DAG1: variants seen among roughly 807,000 people sequenced by gnomAD.
DAG1 encodes the protein dystroglycan 1.
DAG1 carries 8 observed loss-of-function variants against 46.1 expected under a neutral mutation model. That is an observed-to-expected ratio of 0.17 (90% CI 0.10 to 0.31). The LOEUF (loss-of-function observed/expected upper bound fraction) is 0.31, where lower values mean the gene tolerates loss of function less well. Among genes scored for constraint, DAG1 ranks in the 10% least tolerant of loss-of-function variants. DAG1 has a pLI of 1.00. For missense variants in DAG1, 1,003 were observed against 1,189.9 expected (o/e 0.84, Z 2.31); for synonymous variants, 495 against 481.8 (o/e 1.03, Z -0.36).
intron 1 of DAG1, among the ~76,000 whole-genome samples, chr3:49,485,077 C>T (rs1474989407): frequency 6.6e-6 from 1 of 150,778 alleles, no homozygotes; most frequent in Non-Finnish European, 1.5e-5. Context: ...AGCTCCGCCT[C>T]CCGGGTTCAT....
intron 1 of DAG1, among the ~76,000 whole-genome samples, chr3:49,495,671 C>T (rs2050291947): frequency 6.6e-6 from 1 of 152,100 alleles, no homozygotes; most frequent in Non-Finnish European, 1.5e-5. Context: ...CCTGTAATCC[C>T]AGCACTTTGG....
chr3:49,502,798 C>A (rs1169516533), intron 1 of DAG1, among the ~76,000 whole-genome samples: 4 of 152,026 alleles, frequency 2.6e-5, no homozygotes, highest in Non-Finnish European at 5.9e-5. Flanking sequence ...GCCACCACAC[C>A]TGGCTAATTT....
intron 1 of DAG1, among the ~76,000 whole-genome samples, chr3:49,502,563 C>T (rs879457175): frequency 2.6e-5 from 4 of 151,988 alleles, no homozygotes; most frequent in Non-Finnish European, 5.9e-5. Flanking sequence ...AATGTTTTAC[C>T]TATTACTTAT....
chr3:49,483,372 T>C (rs2107125670), intron 1 of DAG1, among the ~76,000 whole-genome samples: 1 of 151,928 alleles, frequency 6.6e-6, no homozygotes, highest in South Asian at 2.1e-4. Context: ...ACCTGGCTAA[T>C]TTTTGTATTT....
In DAG1 at chr3:49,480,588, C is replaced by T. The variant is rs189427406; in HGVS notation, c.-117+10155C>T. Among the ~76,000 whole-genome samples, 422 of 145,234 alleles carry T rather than the reference C, an allele frequency of 2.9e-3. 13 individuals carry two copies. Among genetic ancestry groups the T allele is most frequent in the African/African-American group, 9.5e-3 (391 of 41,124 alleles). ...GATTACAGGCGTGAGCCACTGCGTC[C>T]GGCGCATATAACATTTCTAATGGTT... On this transcript the variant is annotated intron_variant, in intron 1 of 2. Transcript: ENST00000308775.
At chr3:49,478,925 TGCCTCA>T (rs1373845319) in intron 1 of DAG1, among the ~76,000 whole-genome samples, 2 of 148,450 alleles carry the variant, frequency 1.3e-5, no homozygotes, top group African/African-American at 5.0e-5. Context: ...GCGATTCTCC[TGCCTCA>T]GCCTCTTGAG....
intron 2 of DAG1, among the ~76,000 whole-genome samples, chr3:49,511,192 A>AG (rs1309488643): frequency 6.6e-6 from 1 of 152,228 alleles, no homozygotes; most frequent in Non-Finnish European, 1.5e-5. Context: ...ACTTTTTAAA[A>AG]TAAGATATAA....
Position 49,533,365 on chromosome 3 carries a change from C to A in DAG1, c.*166C>A. On this transcript the variant is annotated 3_prime_UTR_variant, in exon 3 of 3. Coordinates refer to ENST00000308775, the MANE Select transcript of DAG1 (RefSeq NM_004393.6). The stretch of plus-strand genomic sequence containing the variant: ...ACAAGCCCGCCCTCTCTGGTCCTCC[C>A]AAACCCCAAAGCAGCTGGAGAGACT... 9.8e-7 allele frequency: 1 copy of A among 1,024,398 alleles called. No individual in the cohort carries two copies. Among genetic ancestry groups the A allele is most frequent in the Non-Finnish European group, 1.5e-6 (1 of 679,620 alleles). 63.5% of individuals were successfully genotyped at this position (1,024,398 alleles called of 1,614,324 possible). A position where few individuals can be genotyped will look rare whatever the true frequency, so the allele number is the denominator to read the frequency against.
chr3:49,480,096 C>T (rs1291931807), intron 1 of DAG1, among the ~76,000 whole-genome samples: 8 of 143,312 alleles, frequency 5.6e-5, no homozygotes, highest in Middle Eastern at 4.0e-3. Flanking sequence ...ATTACAGGTG[C>T]GCACCACCAC....
chr3:49,479,450 C>T (rs1274074700), intron 1 of DAG1, among the ~76,000 whole-genome samples: 1 of 150,274 alleles, frequency 6.7e-6, no homozygotes, highest in African/African-American at 2.5e-5. Flanking sequence ...GCTGAGACGA[C>T]AAGTGCGTGC....
At chr3:49,515,443 G>A (rs2050874469) in intron 2 of DAG1, among the ~76,000 whole-genome samples, 1 of 146,644 alleles carries the variant, frequency 6.8e-6, no homozygotes, top group Non-Finnish European at 1.5e-5. Context: ...CTGGAGTGCA[G>A]TGGCACTATC....
intron 1 of DAG1, among the ~76,000 whole-genome samples, chr3:49,506,214 G>A (rs1182708379): frequency 1.3e-5 from 2 of 152,156 alleles, no homozygotes; most frequent in Non-Finnish European, 2.9e-5. Flanking sequence ...CCTGACCCAG[G>A]TGATTCACCG....
At chr3:49,504,642 A>G (rs1479745320) in intron 1 of DAG1, among the ~76,000 whole-genome samples, 1 of 119,100 alleles carries the variant, frequency 8.4e-6, no homozygotes, top group African/African-American at 3.3e-5. Flanking sequence ...GCTGGAGTGC[A>G]GTGGCACGAT....
At chr3:49,489,634 A>G (rs1014804901) in intron 1 of DAG1, among the ~76,000 whole-genome samples, 1 of 152,200 alleles carries the variant, frequency 6.6e-6, no homozygotes, top group Admixed American at 6.5e-5. Flanking sequence ...TAATCTTAAG[A>G]AAACATAGCT....
intron 1 of DAG1, among the ~76,000 whole-genome samples, chr3:49,503,832 A>AG (rs2050523284): frequency 6.6e-6 from 1 of 151,958 alleles, no homozygotes; most frequent in Admixed American, 6.6e-5. Context: ...TGTCTCAAAA[A>AG]AAAAAAAAGA....
chr3:49,515,388 G>GTTT (rs71627397), intron 2 of DAG1, among the ~76,000 whole-genome samples: 7 of 130,214 alleles, frequency 5.4e-5, no homozygotes, highest in Admixed American at 7.9e-5. Flanking sequence ...TTCTTGTGTT[G>GTTT]TTTTTTTTTT....
At chr3:49,506,869 C>T (rs186464268) in intron 1 of DAG1, among the ~76,000 whole-genome samples, 2 of 150,912 alleles carry the variant, frequency 1.3e-5, no homozygotes, top group South Asian at 2.1e-4. Flanking sequence ...CCTAGCTACT[C>T]AGGAGGCTGA....
intron 1 of DAG1, 162 bp from the exon 2 acceptor site, chr3:49,510,257 A>G (rs994123330): frequency 8.8e-6 from 5 of 565,744 alleles, no homozygotes; most frequent in African/African-American, 7.5e-5. Flanking sequence ...TTCCAGTGCT[A>G]AGGAGTTGCA....
At chr3:49,528,275 ATTTTTTTTTTTTT>A (rs147292984) in intron 2 of DAG1, among the ~76,000 whole-genome samples, 1 of 66,630 alleles carries the variant, frequency 1.5e-5, no homozygotes, top group African/African-American at 6.9e-5. Flanking sequence ...AAATAGTGTG[ATTTTTTTTTTTTT>A]TTTTTTTTTT....
Sources: allele counts gnomAD v4.1 joint callset (sites outside exome capture counted in the v4.1 genomes callset), GRCh38; gene constraint gnomAD v4.1.1; transcripts MANE v1.5; gene names NCBI Gene and HGNC (gene_info 2026-07-23, HGNC 2026-07-21).